The following SIAH1 variants were observed in gnomAD, a reference collection of about 807,000 sequenced individuals.
The protein encoded by SIAH1 is E3 ubiquitin-protein ligase SIAH1.
Under a neutral mutation model 20.0 loss-of-function variants are expected in SIAH1, and 2 were observed. That is an observed-to-expected ratio of 0.10 (90% CI 0.04 to 0.31). The LOEUF is 0.31. SIAH1 is among the 10% of genes least tolerant of loss of function. The pLI, the probability that SIAH1 is intolerant of heterozygous loss-of-function variation, is 1.00. For missense variants in SIAH1, 119 were observed against 355.3 expected (o/e 0.33, Z 5.35); for synonymous variants, 118 against 125.3 (o/e 0.94, Z 0.39).
chr16:48,385,787 G>C (rs946171511), upstream of SIAH1, among the ~76,000 whole-genome samples: 1 of 151,566 alleles, frequency 6.6e-6, no homozygotes, highest in African/African-American at 2.4e-5. Flanking sequence ...AGCGGGATGC[G>C]AGCCCCAGGC....
chr16:48,376,032 AGAT>A (rs1375402139), intron 1 of SIAH1, among the ~76,000 whole-genome samples: 2 of 152,238 alleles, frequency 1.3e-5, no homozygotes, highest in Admixed American at 1.3e-4. Context: ...TAGTTCTTAG[AGAT>A]GATAATCATG....
At chr16:48,376,015 A>C (rs1961100874) in intron 1 of SIAH1, among the ~76,000 whole-genome samples, 1 of 152,240 alleles carries the variant, frequency 6.6e-6, no homozygotes, top group Admixed American at 6.5e-5. Context: ...CACAGTTCAA[A>C]CATATATAGT....
intron 1 of SIAH1, among the ~76,000 whole-genome samples, chr16:48,382,026 T>TA (rs1480203473): frequency 6.6e-6 from 1 of 151,922 alleles, no homozygotes; most frequent in Non-Finnish European, 1.5e-5. Flanking sequence ...CTCTAAAAAA[T>TA]AAAGTCAATT....
chr16:48,367,617 T>C (rs1226488419), intron 1 of SIAH1, among the ~76,000 whole-genome samples: 1 of 152,232 alleles, frequency 6.6e-6, no homozygotes, highest in Non-Finnish European at 1.5e-5. Context: ...CCTGATTTAA[T>C]TGCCAAGTCA....
chr16:48,369,572 C>T (rs1355540594), intron 1 of SIAH1, among the ~76,000 whole-genome samples: 2 of 151,566 alleles, frequency 1.3e-5, no homozygotes, highest in Non-Finnish European at 2.9e-5. Flanking sequence ...GACCTCATCT[C>T]CACAAAAAAA....
Position 48,362,215 on chromosome 16 carries a change from A to G in SIAH1, c.214T>C (p.Cys72Arg). 1 of 1,614,228 alleles carries G rather than the reference A, an allele frequency of 6.2e-7. No homozygotes were observed. Among genetic ancestry groups the G allele is most frequent in the South Asian group, 1.1e-5 (1 of 91,086 alleles). ...CSNCRPKLTCCPTCRGPLGSI... is the reference protein window; with the variant it reads ...CSNCRPKLTCRPTCRGPLGSI... ...CCCAAAGGGCCCCGGCAAGTTGGAC[A>G]ACATGTGAGCTTTGGGCGACAGTTG... The change falls in exon 2 of 2, where the codon TGT (cysteine) becomes CGT (arginine). Residue 72 changes from cysteine to arginine, a missense_variant. Cys to Arg is a radical substitution (Grantham distance 180). Coordinates refer to ENST00000394725, the MANE Select transcript of SIAH1 (RefSeq NM_003031.4). The surrounding 1 kb of genome is among the most constrained non-coding windows in gnomAD (Gnocchi z 4.2).
rs941367176 is a variant in SIAH1 at position 48,374,288 on chromosome 16, T to C, written c.-3+10916A>G. 9.2e-5 allele frequency among the ~76,000 whole-genome samples: 14 copies of C among 152,244 alleles called. No individual in the cohort carries two copies. The East Asian group carries it at 2.7e-3, about 29-fold the overall frequency. On this transcript the variant is annotated intron_variant, in intron 1 of 1. Coordinates refer to ENST00000394725, the MANE Select transcript of SIAH1 (RefSeq NM_003031.4). ...TAGTACAGACTCCAATAAATATTTT[T>C]TGGATGAATAAATACATCAGAAAAC... is the stretch of plus-strand genomic sequence containing the variant.
chr16:48,369,134 G>A (rs1260962550), intron 1 of SIAH1, among the ~76,000 whole-genome samples: 1 of 152,114 alleles, frequency 6.6e-6, no homozygotes, highest in East Asian at 1.9e-4. Flanking sequence ...ATCAAACACT[G>A]TTATAAGGAC....
At chr16:48,378,639 CT>C (rs1437682655) in intron 1 of SIAH1, among the ~76,000 whole-genome samples, 1 of 152,188 alleles carries the variant, frequency 6.6e-6, no homozygotes, top group African/African-American at 2.4e-5. Flanking sequence ...CCTAATATTG[CT>C]CTAGGTATTC....
intron 1 of SIAH1, among the ~76,000 whole-genome samples, chr16:48,375,380 T>A (rs1425098684): frequency 6.6e-6 from 1 of 152,242 alleles, no homozygotes; most frequent in African/African-American, 2.4e-5. Context: ...AGCTCACGCC[T>A]GTAATCCCAG....
At chr16:48,386,337 T>A (rs1203852796), upstream of SIAH1, among the ~76,000 whole-genome samples, 1 of 152,070 alleles carries the variant, frequency 6.6e-6, no homozygotes, top group Admixed American at 6.6e-5. Flanking sequence ...TGAAACCCTA[T>A]CTCTACTAAA....
Position 48,385,268 on chromosome 16 carries a change from GC to G in SIAH1, c.-68del, listed in dbSNP as rs1356165670. The G allele has an allele frequency of 1.3e-5, 4 of 314,790 alleles. No homozygotes were observed. In the East Asian group the frequency reaches 4.9e-4, roughly 38 times the overall value. The allele number at this position is 314,790 out of a possible 1,614,324, so 19.5% of individuals were successfully genotyped here. ...CCAACGCGCTCCGTCGCCAACCCCC[GC>G]CACCGCGGGCAGCGCCACCGCCTCT... On this transcript the variant is annotated 5_prime_UTR_variant, in exon 1 of 2. Coordinates refer to ENST00000394725, the MANE Select transcript of SIAH1 (RefSeq NM_003031.4).
rs1425484664 is a variant in SIAH1 at position 48,385,378 on chromosome 16, C to G, written c.-177G>C. On this transcript the variant is annotated 5_prime_UTR_variant, in exon 1 of 2. Transcript: ENST00000394725. ...CCGCAACGGCCGCCCCGGCTCCCCC[C>G]TGGCCGCCGCCGCCGCCGCCGTTTC... 3 of 148,742 alleles carry G rather than the reference C, an allele frequency of 2.0e-5. No homozygotes were observed. The highest frequency in any genetic ancestry group is 5.5e-5 in the African/African-American group (2 of 36,374). 9.2% of individuals were successfully genotyped at this position (148,742 alleles called of 1,614,324 possible).
At chr16:48,377,495 T>C (rs968652432) in intron 1 of SIAH1, among the ~76,000 whole-genome samples, 4 of 151,632 alleles carry the variant, frequency 2.6e-5, no homozygotes, top group African/African-American at 9.7e-5. Flanking sequence ...GGTTAAGTGA[T>C]TCTCCTGCCT....
chr16:48,385,035 C>G (rs1196867600), intron 1 of SIAH1, among the ~76,000 whole-genome samples, 169 bp downstream of exon 1: 1 of 148,300 alleles, frequency 6.7e-6, no homozygotes, highest in Non-Finnish European at 1.5e-5. Context: ...GGGGGCGGCG[C>G]TCGACCGGGC....
At chr16:48,373,883 T>G (rs1353247312) in intron 1 of SIAH1, among the ~76,000 whole-genome samples, 2 of 152,246 alleles carry the variant, frequency 1.3e-5, no homozygotes, top group Non-Finnish European at 2.9e-5. Flanking sequence ...CTCACTGCAC[T>G]GACTTCCTTG....
chr16:48,380,829 G>A (rs56739366), intron 1 of SIAH1, among the ~76,000 whole-genome samples: 1 of 148,580 alleles, frequency 6.7e-6, no homozygotes, highest in South Asian at 2.1e-4. Context: ...TCAGGAGGCT[G>A]AGGCAGGAGA....
At chr16:48,380,415 C>T (rs921456365) in intron 1 of SIAH1, among the ~76,000 whole-genome samples, 7 of 151,748 alleles carry the variant, frequency 4.6e-5, no homozygotes, top group Middle Eastern at 3.4e-3. Flanking sequence ...TTGGCGCCAC[C>T]GCACTCCAGT....
At chr16:48,379,063 T>C (rs1440604215) in intron 1 of SIAH1, among the ~76,000 whole-genome samples, 1 of 152,222 alleles carries the variant, frequency 6.6e-6, no homozygotes, top group Non-Finnish European at 1.5e-5. Context: ...ACTTGCTGTG[T>C]TAGGCAATGT....
Sources: gnomAD v4.1 joint callset for allele counts (sites outside exome capture counted in the v4.1 genomes callset) on GRCh38, gnomAD v4.1.1 for gene constraint, Gnocchi (gnomAD v3.1) non-coding constraint, MANE v1.5 for transcripts, NCBI Gene and HGNC (gene_info 2026-07-23, HGNC 2026-07-21) for gene names.